Variants in OTUD4 observed in about 807,000 individuals in gnomAD.
OTUD4 encodes OTU domain-containing protein 4.
OTUD4 carries 24 observed loss-of-function variants against 130.4 expected under a neutral mutation model. The observed-to-expected ratio is 0.18, with a 90% CI of 0.13 to 0.26. The LOEUF is 0.26. Among genes scored for constraint, OTUD4 ranks in the 10% least tolerant of loss-of-function variants. OTUD4 has a pLI of 1.00. For synonymous variants in OTUD4, 420 were observed against 472.5 expected (o/e 0.89, Z 1.44); for missense variants, 1,031 against 1,329.4 (o/e 0.78, Z 3.49).
chr4:145,178,257 G>C (rs989386069), intron 1 of OTUD4: 1 of 152,142 alleles, frequency 6.6e-6, no homozygotes, highest in African/African-American at 2.4e-5. Context: ...ATGCACTACG[G>C]AAATCAGGCA....
At chr4:145,163,666 T>C (rs1751695776) in intron 5 of OTUD4, among the ~76,000 whole-genome samples, 1 of 149,016 alleles carries the variant, frequency 6.7e-6, no homozygotes, top group Non-Finnish European at 1.5e-5. Flanking sequence ...GCAAAAAAAA[T>C]ACAAAATAAT....
intron 7 of OTUD4, among the ~76,000 whole-genome samples, chr4:145,156,575 C>T (rs924858270): frequency 4.6e-5 from 7 of 151,372 alleles, no homozygotes; most frequent in South Asian, 2.1e-4. Context: ...CCTAGCTACT[C>T]GGGAGGCTGA....
rs1203103109 is a variant in OTUD4 at position 145,159,538 on chromosome 4, G to C, written c.594C>G (p.Asn198Lys). The change falls in exon 7 of 21, where the codon AAC becomes AAG. Residue 198 changes from asparagine (N) to lysine (K), a missense_variant. Transcript: ENST00000447906. ...CATCCTCTGAATCTGATATTTCACT[G>C]TTATCTTCATCAGCTACTTCCAACG... is the stretch of plus-strand genomic sequence containing the variant. ...LDTLEVADED[N>K]SEISDSEDDS... 2 of 1,613,346 alleles carry C rather than the reference G, an allele frequency of 1.2e-6. No homozygotes were observed. Among genetic ancestry groups the C allele is most frequent in the Non-Finnish European group, 1.7e-6 (2 of 1,179,668 alleles).
In OTUD4 at chr4:145,137,644, T is replaced by C. The variant is rs1490935155; in HGVS notation, c.3131A>G (p.Asn1044Ser). ...LRSGRSKQFYNQTYGSRKYKS... is the reference protein window; with the variant it reads ...LRSGRSKQFYSQTYGSRKYKS... ...GTACTTCCTGCTTCCATAAGTTTGA[T>C]TATAGAACTGCTTGGATCTACCACT... Residue 1044 changes from asparagine (N) to serine (S), a missense_variant, in exon 21 of 21, where the codon AAT (asparagine) becomes AGT (serine). Physicochemically the swap from Asn to Ser is conservative, Grantham distance 46. Transcript: ENST00000447906. 12 of 1,613,668 alleles carry C rather than the reference T, an allele frequency of 7.4e-6. No individual in the cohort carries two copies. The highest frequency in any genetic ancestry group is 4.0e-5 in the African/African-American group (3 of 74,844).
chr4:145,138,127 G>A lies in OTUD4; in HGVS notation c.2648C>T (p.Pro883Leu), dbSNP rs770028775. The change falls in exon 21 of 21, where the codon CCC becomes CTC. Residue 883 changes from proline to leucine, a missense_variant. This residue lies in a region of OTUD4 where 900 missense variants were observed against 1,095.9 expected (regional missense o/e 0.82). Coordinates refer to ENST00000447906, the MANE Select transcript of OTUD4 (RefSeq NM_001366057.1). ...ATCCAATTCTCCTTTTTCATCAGAG[G>A]GCAGGACAATATTCTGCCTCATTAC... is the stretch of plus-strand genomic sequence containing the variant. ...NPVMRQNIVL[P>L]SDEKGELDLS... is the part of the protein sequence containing the mutation. 1 of 1,613,888 alleles carries A rather than the reference G, an allele frequency of 6.2e-7. No homozygotes were observed. Among genetic ancestry groups the A allele is most frequent in the South Asian group, 1.1e-5 (1 of 91,070 alleles).
At chr4:145,162,569 A>G in intron 6 of OTUD4, 71 bp downstream of exon 6, 1 of 844,390 alleles carries the variant, frequency 1.2e-6, no homozygotes, top group Non-Finnish European at 1.8e-6. Context: ...AACAAAAAAC[A>G]AAACAAAAAA....
intron 3 of OTUD4, among the ~76,000 whole-genome samples, chr4:145,167,266 G>T (rs745975785): frequency 6.6e-6 from 1 of 152,286 alleles, no homozygotes; most frequent in Admixed American, 6.5e-5. Context: ...AAGAAAAACT[G>T]AAATAAGGAA....
intron 1 of OTUD4, chr4:145,179,608 A>ATT: frequency 7.2e-7 from 1 of 1,384,816 alleles, no homozygotes; most frequent in Non-Finnish European, 9.3e-7. Flanking sequence ...CACCCCGTTA[A>ATT]TTTGCGGGCT....
Position 145,137,513 on chromosome 4 carries a change from G to T in OTUD4, c.3262C>A (p.His1088Asn). ...AATGGTCGCCCTCTGACATTTCGATGGTACTGATAACCTTCATCCCGACTT... is the reference window on the plus strand; with the variant it reads ...AATGGTCGCCCTCTGACATTTCGATTGTACTGATAACCTTCATCCCGACTT... The part of the protein sequence containing the change: ...SRSRDEGYQY[H>N]RNVRGRPFRG... Residue 1088 changes from histidine (H) to asparagine (N), a missense_variant, in exon 21 of 21, where the codon CAT (histidine) becomes AAT (asparagine). By Grantham distance (68) the His-to-Asn change is moderately conservative. This residue lies in a region of OTUD4 where 900 missense variants were observed against 1,095.9 expected (regional missense o/e 0.82). Transcript: ENST00000447906. 1 of 1,611,542 alleles carries T rather than the reference G, an allele frequency of 6.2e-7. No individual in the cohort carries two copies. The highest frequency in any genetic ancestry group is 1.1e-5 in the South Asian group (1 of 91,030).
rs1348328543 is a variant in OTUD4 at position 145,135,715 on chromosome 4, A to G, written c.*1715T>C. ...ACAATTTTTTACCTAGCACCATCAT[A>G]ATAAAATGTTATCTTTCAAAGTGCT... On this transcript the variant is annotated 3_prime_UTR_variant, in exon 21 of 21. Coordinates refer to ENST00000447906, the MANE Select transcript of OTUD4 (RefSeq NM_001366057.1). The G allele has an allele frequency of 6.6e-6, 1 of 152,644 alleles. No homozygotes were observed. The highest frequency in any genetic ancestry group is 2.4e-5 in the African/African-American group (1 of 41,462). The allele number at this position is 152,644 out of a possible 1,614,324, so 9.5% of individuals were successfully genotyped here.
chr4:145,140,530 T>C (rs1194557166), intron 19 of OTUD4, among the ~76,000 whole-genome samples: 3 of 152,122 alleles, frequency 2.0e-5, no homozygotes, highest in African/African-American at 7.2e-5. Flanking sequence ...TACTCAAATT[T>C]ACAGATATAA....
chr4:145,166,937 CAAGA>C (rs984736194), intron 3 of OTUD4, among the ~76,000 whole-genome samples: 1 of 152,058 alleles, frequency 6.6e-6, no homozygotes, highest in African/African-American at 2.4e-5. Context: ...AAAAATCACT[CAAGA>C]TTAAGTTTTA....
chr4:145,158,500 A>T (rs1174996236), intron 7 of OTUD4, among the ~76,000 whole-genome samples: 1 of 151,358 alleles, frequency 6.6e-6, no homozygotes, highest in Non-Finnish European at 1.5e-5. Context: ...AACAAAACAA[A>T]ACAAAAAAAA....
intron 3 of OTUD4, among the ~76,000 whole-genome samples, chr4:145,169,807 A>T (rs535717069): frequency 3.7e-4 from 56 of 152,350 alleles, no homozygotes; most frequent in African/African-American, 1.3e-3. Flanking sequence ...AGATTTATAA[A>T]TATTTGTTGC....
intron 1 of OTUD4, among the ~76,000 whole-genome samples, chr4:145,177,638 A>C (rs957679270): frequency 1.3e-5 from 2 of 152,236 alleles, no homozygotes; most frequent in Non-Finnish European, 2.9e-5. Context: ...AAGTCCTCCA[A>C]GACTGCCCTA....
At chr4:145,167,463 C>T (rs1751931335) in intron 3 of OTUD4, among the ~76,000 whole-genome samples, 1 of 152,230 alleles carries the variant, frequency 6.6e-6, no homozygotes, top group Non-Finnish European at 1.5e-5. Context: ...GTGATACCCT[C>T]TGGTGTAGAG....
Position 145,137,897 on chromosome 4 carries a change from T to C in OTUD4, c.2878A>G (p.Lys960Glu). The change falls in exon 21 of 21, where the codon AAG becomes GAG. Residue 960 changes from lysine (K) to glutamate (E), a missense_variant. Lys to Glu is a moderately conservative substitution (Grantham distance 56, BLOSUM62 1). Around this residue, in one of 3 missense-constraint regions of OTUD4, gnomAD observed 900 missense variants for 1,095.9 expected, o/e 0.82. Coordinates refer to ENST00000447906, the MANE Select transcript of OTUD4 (RefSeq NM_001366057.1). ...LASIPPVAEG[K>E]AHPPTQILNR... ...AGAATCTGAGTGGGAGGATGAGCCT[T>C]TCCCTCTGCTACAGGAGGGATGGAA... is the stretch of plus-strand genomic sequence containing the variant. The C allele has an allele frequency of 6.2e-7, 1 of 1,614,058 alleles. No homozygotes were observed. Among genetic ancestry groups the C allele is most frequent in the East Asian group, 2.2e-5 (1 of 44,852 alleles).
chr4:145,168,301 A>T (rs1182248664), intron 3 of OTUD4, among the ~76,000 whole-genome samples: 2 of 151,492 alleles, frequency 1.3e-5, no homozygotes, highest in African/African-American at 4.9e-5. Context: ...AATCACTTGA[A>T]CTCGGGAGGC....
chr4:145,178,560 C>T (rs1425702650), intron 1 of OTUD4: 2 of 140,218 alleles, frequency 1.4e-5, no homozygotes, highest in East Asian at 4.9e-4. Flanking sequence ...TGAACATACC[C>T]CACAGCAACA....
Sources: gnomAD v4.1 joint callset for allele counts (sites outside exome capture counted in the v4.1 genomes callset) on GRCh38, gnomAD v4.1.1 for gene constraint, gnomAD v4.1.1 regional missense constraint, MANE v1.5 for transcripts, NCBI Gene and HGNC (gene_info 2026-07-23, HGNC 2026-07-21) for gene names.